The following KAT2B variants were observed in gnomAD, a reference collection of about 807,000 sequenced individuals.
KAT2B encodes histone acetyltransferase KAT2B.
In KAT2B, 36 loss-of-function variants were observed where a neutral mutation model predicts 105.9. The ratio of observed to expected loss-of-function variants is 0.34; its 90% CI spans 0.26 to 0.45. KAT2B has a LOEUF of 0.45. Ranked by LOEUF, KAT2B falls within the 20% of genes least tolerant of loss-of-function variation. KAT2B has a pLI of 1.00. For synonymous variants in KAT2B, 397 were observed against 377.9 expected, an observed-to-expected ratio of 1.05 and a Z score of -0.59; for missense variants, 820 against 1,021.6, an observed-to-expected ratio of 0.80 and a Z score of 2.69.
chr3:20,149,376 G>GC (rs1295435190), intron 17 of KAT2B, among the ~76,000 whole-genome samples: 1 of 151,440 alleles, frequency 6.6e-6, no homozygotes, highest in African/African-American at 2.4e-5. Flanking sequence ...CACGCCTGAG[G>GC]CCCCAGCTAC....
At chr3:20,117,672 T>C (rs551044197) in intron 7 of KAT2B, among the ~76,000 whole-genome samples, 2 of 152,322 alleles carry the variant, frequency 1.3e-5, no homozygotes, top group Admixed American at 1.3e-4. Flanking sequence ...CTGCTGGGAA[T>C]GTCCTTGTTG....
intron 3 of KAT2B, among the ~76,000 whole-genome samples, chr3:20,099,345 C>T (rs9819628): frequency 0.18 from 27,303 of 152,146 alleles, 2,571 homozygotes; most frequent in Middle Eastern, 0.23. Context: ...ATGCGTATGC[C>T]GTGCAGCTGC....
intron 5 of KAT2B, among the ~76,000 whole-genome samples, chr3:20,107,656 C>CAA (rs577426047): frequency 1.0e-3 from 99 of 95,598 alleles, no homozygotes; most frequent in African/African-American, 1.5e-3. Flanking sequence ...TACTATGTCT[C>CAA]AAAAAAAAAA....
chr3:20,042,749 T>G (rs1353896258), intron 1 of KAT2B, among the ~76,000 whole-genome samples: 1 of 152,218 alleles, frequency 6.6e-6, no homozygotes, highest in East Asian at 1.9e-4. Context: ...AGTTTTGGTT[T>G]TGTCTAAAAC....
rs1250606844 is a variant in KAT2B, at chr3:20,072,200, GTA to G, written c.304-129_304-128del. ...TTTGGGTTTTCTGTTTTTCTCTTGT[GTA>G]TATGGCAGACGACAAAGTCAGGGGT... is the stretch of plus-strand genomic sequence containing the variant. On this transcript the variant is annotated intron_variant, in intron 1 of 17. Transcript: ENST00000263754. 7.9e-6 allele frequency: 7 copies of G among 882,486 alleles called. No individual in the cohort carries two copies. In the East Asian group the frequency reaches 1.7e-4, roughly 22 times the overall value. The allele number at this position is 882,486 out of a possible 1,614,324, so 54.7% of individuals were successfully genotyped here.
chr3:20,138,761 G>A (rs192192056), intron 12 of KAT2B, among the ~76,000 whole-genome samples: 64 of 152,174 alleles, frequency 4.2e-4, no homozygotes, highest in Admixed American at 1.6e-3. Context: ...TGATTTGTGA[G>A]AACTATTAGT....
chr3:20,104,161 G>A (rs1299727315), intron 5 of KAT2B, among the ~76,000 whole-genome samples: 1 of 152,160 alleles, frequency 6.6e-6, no homozygotes, highest in African/African-American at 2.4e-5. Flanking sequence ...AACAGCAAAA[G>A]AGTCCTTTAT....
intron 1 of KAT2B, among the ~76,000 whole-genome samples, chr3:20,061,927 C>CATAATATATATT (rs1559513815): frequency 0.17 from 16,615 of 96,118 alleles, 2,866 homozygotes; most frequent in South Asian, 0.21. Context: ...TATTATATAT[C>CATAATATATATT]ATATATAAAA....
chr3:20,127,518 TCTGTG>T lies in KAT2B; in HGVS notation c.1723_1727del (p.Ala575AsnfsTer4). On this transcript the variant is annotated frameshift_variant, in exon 11 of 18. Transcript: ENST00000263754. LOFTEE classifies it high-confidence loss of function. Reference sequence around the variant, plus strand: ...TCTCAAGGATTCACAGAGATTGTCTTCTGTGCTGTAACCTCAAATGAGCAAGTCAA... The same window carrying T: ...TCTCAAGGATTCACAGAGATTGTCTTCTGTAACCTCAAATGAGCAAGTCAA... The T allele has an allele frequency of 6.2e-7, 1 of 1,614,010 alleles. No homozygotes were observed. The highest frequency in any genetic ancestry group is 8.5e-7 in the Non-Finnish European group (1 of 1,179,842).
chr3:20,104,352 A>G (rs1698961319), intron 5 of KAT2B, among the ~76,000 whole-genome samples: 1 of 152,158 alleles, frequency 6.6e-6, no homozygotes, highest in Non-Finnish European at 1.5e-5. Context: ...AAGGTAGATG[A>G]CACCAACCTC....
chr3:20,062,213 ATAT>A (rs1448599729), intron 1 of KAT2B, among the ~76,000 whole-genome samples: 4 of 82,954 alleles, frequency 4.8e-5, no homozygotes, highest in Non-Finnish European at 6.2e-5. Flanking sequence ...TATATAAAAT[ATAT>A]TATATATAAA....
At chr3:20,056,058 A>T (rs997271843) in intron 1 of KAT2B, among the ~76,000 whole-genome samples, 4 of 152,322 alleles carry the variant, frequency 2.6e-5, no homozygotes, top group African/African-American at 9.6e-5. Context: ...GGCTGTTTCC[A>T]GTGAATTCAA....
intron 2 of KAT2B, among the ~76,000 whole-genome samples, chr3:20,081,278 T>C (rs1472381095): frequency 1.3e-5 from 2 of 152,198 alleles, no homozygotes; most frequent in Non-Finnish European, 2.9e-5. Context: ...GAGGACTGGC[T>C]GACTGTCTTC....
At chr3:20,040,848 C>A in intron 1 of KAT2B, 68 bp downstream of exon 1, 1 of 1,466,032 alleles carries the variant, frequency 6.8e-7, no homozygotes, top group Admixed American at 2.4e-5. Context: ...CCCCCTCCCC[C>A]TCCCGCTTCC....
At chr3:20,126,226 T>G in intron 10 of KAT2B, 113 bp downstream of exon 10, 1 of 832,034 alleles carries the variant, frequency 1.2e-6, no homozygotes, top group Non-Finnish European at 1.9e-6. Context: ...GCACCTGTCT[T>G]GCTGTGGATA....
In KAT2B at chr3:20,062,727, A is replaced by G. The variant is rs144553523; in HGVS notation, c.304-9606A>G. The stretch of plus-strand genomic sequence containing the variant: ...TCCACCTGCCTCAGCCTCTCAAAGT[A>G]TTGGGATTACAGGCGTGAGTCACCG... On this transcript the variant is annotated intron_variant, in intron 1 of 17. Transcript: ENST00000263754. Among the ~76,000 whole-genome samples the G allele has an allele frequency of 3.2e-4, 48 of 151,772 alleles. No individual in the cohort carries two copies. The East Asian group carries it at 9.3e-3, about 30-fold the overall frequency.
intron 9 of KAT2B, among the ~76,000 whole-genome samples, chr3:20,125,304 C>CATA (rs1200426505): frequency 2.2e-5 from 1 of 46,142 alleles, no homozygotes; most frequent in African/African-American, 7.7e-5. Context: ...GACTCCGTCT[C>CATA]AGAAAAAAAA....
intron 17 of KAT2B, among the ~76,000 whole-genome samples, chr3:20,149,495 CAAAAAAA>C (rs56091316): frequency 0.061 from 2,573 of 42,490 alleles, 108 homozygotes; most frequent in Non-Finnish European, 0.066. Flanking sequence ...GACCGTATCT[CAAAAAAA>C]AAAAAAAAAA....
intron 2 of KAT2B, among the ~76,000 whole-genome samples, chr3:20,087,416 TATA>T (rs200787456): frequency 0.02 from 3,120 of 152,306 alleles, 107 homozygotes; most frequent in African/African-American, 0.071. Context: ...ATTTATCGTG[TATA>T]ATGTGATATT....
Sources: gnomAD v4.1 joint callset for allele counts (sites outside exome capture counted in the v4.1 genomes callset) on GRCh38, gnomAD v4.1.1 for gene constraint, MANE v1.5 for transcripts, NCBI Gene and HGNC (gene_info 2026-07-23, HGNC 2026-07-21) for gene names.